RBL2: variants seen among roughly 807,000 people sequenced by gnomAD.
RBL2 encodes the protein RB transcriptional corepressor like 2.
A neutral mutation model predicts 126.0 loss-of-function variants in RBL2; 56 were observed. The ratio of observed to expected loss-of-function variants is 0.44; its 90% CI spans 0.36 to 0.56. The LOEUF (loss-of-function observed/expected upper bound fraction) is 0.56. RBL2 is among the 20% of genes least tolerant of loss of function. The pLI is 0.00. For missense variants in RBL2, 1,229 were observed against 1,398.2 expected, an observed-to-expected ratio of 0.88 and a Z score of 1.93; for synonymous variants, 454 against 478.5, an observed-to-expected ratio of 0.95 and a Z score of 0.67.
Position 53,447,032 on chromosome 16 carries a change from T to C in RBL2, c.573-10T>C. ...GTTGTCTCATGACTTTTTTTTTTCTTCCCCCAAAGGCGACAGCCCTGTACT... is the reference window on the plus strand; with the variant it reads ...GTTGTCTCATGACTTTTTTTTTTCTCCCCCCAAAGGCGACAGCCCTGTACT... On this transcript the variant is annotated splice_polypyrimidine_tract_variant and intron_variant, in intron 3 of 21. Coordinates refer to ENST00000262133, the MANE Select transcript of RBL2 (RefSeq NM_005611.4). 1 of 1,494,562 alleles carries C rather than the reference T, an allele frequency of 6.7e-7. No homozygotes were observed. Among genetic ancestry groups the C allele is most frequent in the Non-Finnish European group, 8.9e-7 (1 of 1,124,494 alleles). 92.6% of individuals were successfully genotyped at this position (1,494,562 alleles called of 1,614,324 possible).
intron 21 of RBL2, among the ~76,000 whole-genome samples, chr16:53,482,302 A>C (rs1481983284): frequency 6.6e-6 from 1 of 152,210 alleles, no homozygotes; most frequent in Non-Finnish European, 1.5e-5. Context: ...ACCTCATTCT[A>C]AGAAGGGGAA....
At position 53,457,258 on chromosome 16, in the gene RBL2, C is replaced by CCTTTTTTTT. The variant is rs1555566426; in HGVS notation, c.1180-2193_1180-2192insCTTTTTTTT. 3.2e-3 allele frequency among the ~76,000 whole-genome samples: 289 copies of CCTTTTTTTT among 89,858 alleles called. 27 individuals are homozygous for CCTTTTTTTT. The highest frequency in any genetic ancestry group is 0.017 in the East Asian group (63 of 3,784). The allele number at this position is 89,858 out of a possible 152,430, so 59.0% of individuals were successfully genotyped here. ...GGGTCATCAGGGTGGGTACAGATAG[C>CCTTTTTTTT]TTTTTTTTTTTTTTTTTTTGAGATG... On this transcript the variant is annotated intron_variant, in intron 8 of 21. Coordinates refer to ENST00000262133, the MANE Select transcript of RBL2 (RefSeq NM_005611.4).
At chr16:53,447,427 T>C (rs1034201991) in intron 4 of RBL2, among the ~76,000 whole-genome samples, 5 of 152,220 alleles carry the variant, frequency 3.3e-5, no homozygotes, top group Non-Finnish European at 7.3e-5. Flanking sequence ...GAACTCTATT[T>C]TTCATGAGAT....
intron 2 of RBL2, among the ~76,000 whole-genome samples, chr16:53,440,568 T>G (rs569541362): frequency 1.3e-5 from 2 of 152,338 alleles, no homozygotes; most frequent in South Asian, 4.1e-4. Flanking sequence ...ATTCTGTTTT[T>G]TTTGAGATGG....
Position 53,453,445 on chromosome 16 carries a change from A to G in RBL2, c.767-7A>G, listed in dbSNP as rs1048382102. On this transcript the variant is annotated splice_polypyrimidine_tract_variant and splice_region_variant and intron_variant, in intron 5 of 21. Coordinates refer to ENST00000262133, the MANE Select transcript of RBL2 (RefSeq NM_005611.4). ...ATATCTCTGTTTTGTGATTCTATAC[A>G]CCATAGGCTTATCTGAAGATTTTCA... 4 of 1,605,954 alleles carry G rather than the reference A, an allele frequency of 2.5e-6. No homozygotes were observed. The highest frequency in any genetic ancestry group is 3.4e-6 in the Non-Finnish European group (4 of 1,174,820).
At chr16:53,462,758 A>G in intron 11 of RBL2, 103 bp downstream of exon 11, 1 of 708,646 alleles carries the variant, frequency 1.4e-6, no homozygotes, top group Non-Finnish European at 2.3e-6. Context: ...GTCTCCTTTC[A>G]TACACAAAAG....
intron 1 of RBL2, among the ~76,000 whole-genome samples, chr16:53,437,383 A>G (rs1044992405): frequency 2.8e-4 from 42 of 152,082 alleles, no homozygotes; most frequent in African/African-American, 9.9e-4. Flanking sequence ...TCTATGTGTA[A>G]ATGTGAAAAA....
At chr16:53,440,332 G>C (rs1379775441) in intron 2 of RBL2, among the ~76,000 whole-genome samples, 1 of 152,070 alleles carries the variant, frequency 6.6e-6, no homozygotes, top group Non-Finnish European at 1.5e-5. Flanking sequence ...TCATGTTTTA[G>C]CTGACGTTGT....
chr16:53,458,948 ACC>A (rs2058193873), intron 8 of RBL2, among the ~76,000 whole-genome samples: 2 of 152,200 alleles, frequency 1.3e-5, no homozygotes, highest in Non-Finnish European at 2.9e-5. Flanking sequence ...ACATAGCCAA[ACC>A]ATATCAGTAG....
chr16:53,446,749 A>G (rs1251886584), intron 3 of RBL2, among the ~76,000 whole-genome samples: 1 of 152,210 alleles, frequency 6.6e-6, no homozygotes, highest in Non-Finnish European at 1.5e-5. Context: ...CTGTGTCATC[A>G]AAAGAACTAT....
intron 18 of RBL2, 30 bp from the exon 19 acceptor site, chr16:53,479,856 T>G (rs770284755): frequency 6.8e-7 from 1 of 1,467,364 alleles, no homozygotes. Context: ...AAATACTAGT[T>G]TATGTCCCCT....
intron 17 of RBL2, among the ~76,000 whole-genome samples, chr16:53,474,418 G>A (rs568561403): frequency 1.8e-4 from 27 of 152,304 alleles, no homozygotes; most frequent in Middle Eastern, 3.4e-3. Context: ...CCAGGTTCAA[G>A]CAATTCTCCT....
intron 21 of RBL2, 106 bp downstream of exon 21, chr16:53,481,941 C>G: frequency 7.5e-7 from 1 of 1,327,138 alleles, no homozygotes; most frequent in Non-Finnish European, 1.1e-6. Flanking sequence ...TGAGAGCTGC[C>G]AGGGAGCAGT....
rs1192637999 is a variant in RBL2, at chr16:53,479,189, G to C, written c.2739G>C (p.Met913Ile). 2.5e-6 allele frequency: 4 copies of C among 1,613,894 alleles called. No individual in the cohort carries two copies. The Admixed American group carries it at 6.7e-5, about 27-fold the overall frequency. Residue 913 changes from methionine (M) to isoleucine (I), a missense_variant, in exon 18 of 22, where the codon ATG (methionine) becomes ATC (isoleucine). By Grantham distance (10) the Met-to-Ile change is conservative. Around this residue, in one of 2 missense-constraint regions of RBL2, gnomAD observed 1,070 missense variants for 1,274.3 expected, o/e 0.84. Transcript: ENST00000262133. ...TKEDKSFQNI[M>I]RCYRTQPQAR... ...AAGATAAGTCCTTCCAGAACATTAT[G>C]CGTTGTTATAGGACTCAGCCGCAGG...
rs917591291 is a variant in RBL2 at position 53,439,123 on chromosome 16, A to G, written c.348A>G (p.Arg116=). The change falls in exon 2 of 22, where the codon AGA becomes AGG. Residue 116 remains arginine, a synonymous_variant. Coordinates refer to ENST00000262133, the MANE Select transcript of RBL2 (RefSeq NM_005611.4). ...AAGGAAACTATGTATCTTTAACTAG[A>G]ATCCTGAAATGTTCAGAGCAGAGGT... The part of the protein sequence containing the change: ...TVEGNYVSLT[R]ILKCSEQSLI... 3.1e-6 allele frequency: 5 copies of G among 1,604,494 alleles called. No homozygotes were observed.
chr16:53,455,601 G>A (rs1567733124), intron 8 of RBL2, among the ~76,000 whole-genome samples: 1 of 152,136 alleles, frequency 6.6e-6, no homozygotes, highest in Non-Finnish European at 1.5e-5. Context: ...TATATAGTAT[G>A]TTGGGTGATG....
chr16:53,474,617 A>G (rs916404528), intron 17 of RBL2, among the ~76,000 whole-genome samples: 4 of 152,314 alleles, frequency 2.6e-5, no homozygotes, highest in South Asian at 2.1e-4. Flanking sequence ...TGCCCAGCCT[A>G]TAATTCTTTT....
At chr16:53,457,329 G>A (rs180988219) in intron 8 of RBL2, among the ~76,000 whole-genome samples, 24 of 141,460 alleles carry the variant, frequency 1.7e-4, no homozygotes, top group African/African-American at 6.4e-4. Context: ...GTGCAATCTC[G>A]GCTCACTGTG....
intron 4 of RBL2, among the ~76,000 whole-genome samples, chr16:53,450,541 G>A (rs750824565): frequency 2.0e-5 from 3 of 152,168 alleles, no homozygotes; most frequent in East Asian, 3.8e-4. Context: ...AAAATAACTA[G>A]AAATAATTCT....
Sources: allele counts gnomAD v4.1 joint callset (sites outside exome capture counted in the v4.1 genomes callset), GRCh38; gene constraint gnomAD v4.1.1; regional missense constraint gnomAD v4.1.1; transcripts MANE v1.5; gene names NCBI Gene and HGNC (gene_info 2026-07-23, HGNC 2026-07-21).